TBXAS1: variants seen among roughly 807,000 people sequenced by gnomAD.
TBXAS1 encodes the protein thromboxane-A synthase.
A neutral mutation model predicts 60.7 loss-of-function variants in TBXAS1; 48 were observed. The observed-to-expected ratio is 0.79, with a 90% CI of 0.63 to 1.01. The LOEUF is 1.01. Among genes scored for constraint, TBXAS1 ranks in the 50% least tolerant of loss-of-function variants. TBXAS1 has a pLI of 0.00. For missense variants in TBXAS1, 685 were observed against 686.3 expected (o/e 1.00, Z 0.02); for synonymous variants, 287 against 269.7 (o/e 1.06, Z -0.63).
At chr7:139,954,051 C>T (rs1341975513) in intron 6 of TBXAS1, among the ~76,000 whole-genome samples, 2 of 151,484 alleles carry the variant, frequency 1.3e-5, no homozygotes, top group Non-Finnish European at 2.9e-5. Context: ...GTTAGTGTTA[C>T]TGTATTTTAT....
chr7:139,782,179 TTTAA>T (rs932514796), intron 2 of TBXAS1, among the ~76,000 whole-genome samples: 10 of 150,412 alleles, frequency 6.6e-5, no homozygotes, highest in African/African-American at 2.5e-4. Flanking sequence ...TTCTAAGGAG[TTTAA>T]TCAATCATTT....
intron 3 of TBXAS1, among the ~76,000 whole-genome samples, chr7:139,884,677 C>T (rs1258010292): frequency 6.6e-6 from 1 of 152,116 alleles, no homozygotes; most frequent in Admixed American, 6.5e-5. Context: ...GAGCTGTGCA[C>T]CAGGAAGGTG....
At chr7:139,924,492 T>A (rs950259098) in intron 4 of TBXAS1, among the ~76,000 whole-genome samples, 2 of 152,208 alleles carry the variant, frequency 1.3e-5, no homozygotes, top group African/African-American at 2.4e-5. Flanking sequence ...CATGTTTTTT[T>A]AATAGGATTA....
chr7:139,904,926 G>A (rs188421974), intron 3 of TBXAS1, among the ~76,000 whole-genome samples: 11 of 151,984 alleles, frequency 7.2e-5, no homozygotes, highest in African/African-American at 2.7e-4. Context: ...CGATACGGAT[G>A]CTCTCCTTTC....
chr7:139,927,023 CTCACTCTG>C (rs1806937998), intron 4 of TBXAS1, among the ~76,000 whole-genome samples: 1 of 151,992 alleles, frequency 6.6e-6, no homozygotes, highest in Non-Finnish European at 1.5e-5. Flanking sequence ...TTGAGACAGT[CTCACTCTG>C]TCACCCAGAC....
Position 139,999,584 on chromosome 7 carries a change from C to T in TBXAS1, c.1135-7507C>T, listed in dbSNP as rs115316877. On this transcript the variant is annotated intron_variant, in intron 9 of 12. Transcript: ENST00000448866. This position sits in a 1 kb window ranked among gnomAD's most constrained non-coding sequence, Gnocchi z 4.3. Reference sequence around the variant, plus strand: ...CTGGTTTATGGTCAGAAGGGCAAAGCGAAGGTCACCCCATTTTCCACGGCT... The same window carrying T: ...CTGGTTTATGGTCAGAAGGGCAAAGTGAAGGTCACCCCATTTTCCACGGCT... 6.4e-3 allele frequency among the ~76,000 whole-genome samples: 980 copies of T among 152,294 alleles called. 12 individuals are homozygous for T. Among genetic ancestry groups the T allele is most frequent in the African/African-American group, 0.022 (927 of 41,550 alleles).
chr7:139,932,523 C>T (rs865819390), intron 4 of TBXAS1, among the ~76,000 whole-genome samples: 12 of 151,908 alleles, frequency 7.9e-5, no homozygotes, highest in Middle Eastern at 6.8e-3. Context: ...AACCCAATTC[C>T]ACTTCTCAGG....
chr7:139,826,781 T>C (rs1380021752), upstream of TBXAS1, among the ~76,000 whole-genome samples: 1 of 152,172 alleles, frequency 6.6e-6, no homozygotes, highest in Non-Finnish European at 1.5e-5. Context: ...ATGATCATGA[T>C]CAATTGTTAT....
chr7:139,816,239 G>A (rs1461134345), intron 4 of TBXAS1, among the ~76,000 whole-genome samples: 1 of 152,124 alleles, frequency 6.6e-6, no homozygotes, highest in African/African-American at 2.4e-5. Context: ...AATTGCCTTT[G>A]TTTATAAATT....
chr7:139,839,539 A>G (rs960586223), intron 1 of TBXAS1, among the ~76,000 whole-genome samples: 3 of 152,066 alleles, frequency 2.0e-5, no homozygotes, highest in African/African-American at 7.2e-5. Flanking sequence ...TCAATTCGAC[A>G]TCAAAAATAG....
At chr7:140,006,077 G>A (rs1384558062) in intron 9 of TBXAS1, among the ~76,000 whole-genome samples, 1 of 152,210 alleles carries the variant, frequency 6.6e-6, no homozygotes, top group Non-Finnish European at 1.5e-5. Flanking sequence ...CTTGAGAATG[G>A]ACTTGCCCTG....
At chr7:139,895,105 G>A (rs1803985827) in intron 3 of TBXAS1, among the ~76,000 whole-genome samples, 1 of 152,162 alleles carries the variant, frequency 6.6e-6, no homozygotes, top group Non-Finnish European at 1.5e-5. Flanking sequence ...ACCAGTGAAG[G>A]CAGAGAAGGC....
intron 9 of TBXAS1, among the ~76,000 whole-genome samples, chr7:139,968,039 C>T (rs779892824): frequency 2.6e-5 from 4 of 152,208 alleles, no homozygotes; most frequent in Non-Finnish European, 5.9e-5. Flanking sequence ...TTGCATCCTT[C>T]ACCATTTGAG....
intron 3 of TBXAS1, among the ~76,000 whole-genome samples, chr7:139,898,368 C>T (rs1407649003): frequency 6.7e-6 from 1 of 148,252 alleles, no homozygotes; most frequent in Non-Finnish European, 1.5e-5. Context: ...GCTGAAAGCC[C>T]TCATCAGTTC....
At chr7:139,863,648 T>C (rs1039818617) in intron 1 of TBXAS1, among the ~76,000 whole-genome samples, 2 of 152,232 alleles carry the variant, frequency 1.3e-5, no homozygotes, top group South Asian at 4.1e-4. Context: ...GGAAGATTTA[T>C]AGCTTTAAAT....
intron 3 of TBXAS1, among the ~76,000 whole-genome samples, chr7:139,886,445 G>C (rs969928692): frequency 7.3e-5 from 7 of 95,680 alleles, no homozygotes; most frequent in African/African-American, 3.0e-4. Flanking sequence ...ATTAACCTTT[G>C]CCCGGAATCT....
intron 10 of TBXAS1, among the ~76,000 whole-genome samples, chr7:140,015,287 T>A (rs1814937603): frequency 6.6e-6 from 1 of 151,694 alleles, no homozygotes; most frequent in African/African-American, 2.4e-5. Context: ...AGCGAGAGGG[T>A]GAGCAAGGGC....
chr7:139,937,943 C>A (rs1364004150), intron 5 of TBXAS1, among the ~76,000 whole-genome samples: 1 of 151,914 alleles, frequency 6.6e-6, no homozygotes, highest in Non-Finnish European at 1.5e-5. Flanking sequence ...GGGGGAGGGT[C>A]AGAAGCAAAA....
chr7:139,885,113 G>T (rs922809332), intron 3 of TBXAS1, among the ~76,000 whole-genome samples: 5 of 152,178 alleles, frequency 3.3e-5, no homozygotes, highest in Admixed American at 3.3e-4. Context: ...GTCAGCCACA[G>T]ATTTTTAATT....
Sources: allele counts gnomAD v4.1 joint callset (sites outside exome capture counted in the v4.1 genomes callset), GRCh38; gene constraint gnomAD v4.1.1; non-coding constraint Gnocchi (gnomAD v3.1); transcripts MANE v1.5; gene names NCBI Gene and HGNC (gene_info 2026-07-23, HGNC 2026-07-21).